Variants in PLXNA4 observed in about 807,000 individuals in gnomAD.
PLXNA4 encodes the protein plexin A4, also known as plexin-A4.
Under a neutral mutation model 191.8 loss-of-function variants are expected in PLXNA4, and 44 were observed. The ratio of observed to expected loss-of-function variants is 0.23; its 90% CI spans 0.18 to 0.29. The LOEUF is 0.29. PLXNA4 is among the 10% of genes least tolerant of loss of function. PLXNA4 has a pLI of 1.00. For missense variants in PLXNA4, 1,800 were observed against 2,488.8 expected (o/e 0.72, Z 5.89); for synonymous variants, 1,082 against 1,009.5 (o/e 1.07, Z -1.36).
intron 1 of PLXNA4, among the ~76,000 whole-genome samples, chr7:132,563,735 T>C (rs1801517878): frequency 8.6e-6 from 1 of 115,982 alleles, no homozygotes; most frequent in Non-Finnish European, 1.8e-5. Flanking sequence ...TTCCTCTTCC[T>C]CCTCCTCTCC....
intron 2 of PLXNA4, among the ~76,000 whole-genome samples, chr7:132,491,553 G>A (rs1797801550): frequency 6.6e-6 from 1 of 152,086 alleles, no homozygotes; most frequent in Admixed American, 6.5e-5. Context: ...ATCCACTCCA[G>A]GCCTTTGATA....
intron 1 of PLXNA4, among the ~76,000 whole-genome samples, chr7:132,537,768 AAG>A (rs1418709206): frequency 3.3e-5 from 5 of 152,236 alleles, no homozygotes; most frequent in African/African-American, 1.2e-4. Context: ...AGCCTCTGGT[AAG>A]AATGGGAGCT....
chr7:132,318,089 C>G (rs144256120), intron 3 of PLXNA4, among the ~76,000 whole-genome samples: 9 of 152,156 alleles, frequency 5.9e-5, no homozygotes, highest in East Asian at 3.9e-4. Context: ...GGTCATGAAC[C>G]GAGACAAGGC....
At chr7:132,462,991 A>G (rs1796571997) in intron 3 of PLXNA4, among the ~76,000 whole-genome samples, 1 of 151,904 alleles carries the variant, frequency 6.6e-6, no homozygotes, top group African/African-American at 2.4e-5. Context: ...CTGAGATTAC[A>G]GGCACACAAC....
At chr7:132,638,929 T>G (rs1383367119) in intron 2 of PLXNA4, among the ~76,000 whole-genome samples, 1 of 151,984 alleles carries the variant, frequency 6.6e-6, no homozygotes, top group South Asian at 2.1e-4. Flanking sequence ...TCACAGGACA[T>G]CTTATCTTTT....
intron 3 of PLXNA4, among the ~76,000 whole-genome samples, chr7:132,457,496 T>G (rs1197332082): frequency 6.6e-6 from 1 of 152,200 alleles, no homozygotes; most frequent in Non-Finnish European, 1.5e-5. Context: ...TTATGATGTT[T>G]CATGAAGGTA....
chr7:132,451,400 A>G (rs1053545175), intron 3 of PLXNA4, among the ~76,000 whole-genome samples: 1 of 152,184 alleles, frequency 6.6e-6, no homozygotes, highest in Non-Finnish European at 1.5e-5. Flanking sequence ...TATCCCCTTC[A>G]CCACCAAGAG....
At chr7:132,268,287 T>C (rs938177172) in intron 4 of PLXNA4, among the ~76,000 whole-genome samples, 8 of 152,176 alleles carry the variant, frequency 5.3e-5, no homozygotes, top group Admixed American at 2.6e-4. Context: ...GGTAAAACTA[T>C]TTTATGCTTG....
intron 3 of PLXNA4, among the ~76,000 whole-genome samples, chr7:132,299,830 G>A (rs1461270650): frequency 6.6e-6 from 1 of 152,140 alleles, no homozygotes. Flanking sequence ...GCCAATCAAC[G>A]TGAATCAGAG....
Position 132,194,076 on chromosome 7 carries a change from G to A in PLXNA4, c.2842C>T (p.Leu948Phe), listed in dbSNP as rs1584824595. 1 of 1,613,878 alleles carries A rather than the reference G, an allele frequency of 6.2e-7. No individual in the cohort carries two copies. The highest frequency in any genetic ancestry group is 1.1e-5 in the South Asian group (1 of 91,026). ...RPEFMARSSQ[L>F]YYFMTLTLSD... ...CCAAGACTCACCATGAAGTAATAGA[G>A]CTGTGAGGACCGGGCCATGAATTCA... The change falls in exon 14 of 32, where the codon CTC becomes TTC. Residue 948 changes from leucine (L) to phenylalanine (F), a missense_variant. By Grantham distance (22) the Leu-to-Phe change is conservative. Around this residue, in one of 6 missense-constraint regions of PLXNA4, gnomAD observed 1,397 missense variants for 1,880.4 expected, o/e 0.74. Transcript: ENST00000321063.
intron 3 of PLXNA4, among the ~76,000 whole-genome samples, chr7:132,410,536 T>C (rs923403449): frequency 6.6e-6 from 1 of 152,168 alleles, no homozygotes; most frequent in Non-Finnish European, 1.5e-5. Context: ...CTGACAGGAT[T>C]ACGTCATGTG....
At chr7:132,260,807 C>T (rs1799613942) in intron 4 of PLXNA4, among the ~76,000 whole-genome samples, 1 of 151,968 alleles carries the variant, frequency 6.6e-6, no homozygotes, top group South Asian at 2.1e-4. Flanking sequence ...ATGGTGGATA[C>T]CTGTCATTAC....
intron 2 of PLXNA4, among the ~76,000 whole-genome samples, chr7:132,616,641 A>T (rs1803161324): frequency 6.6e-6 from 1 of 152,264 alleles, no homozygotes; most frequent in South Asian, 2.1e-4. Context: ...ATTATAGTAG[A>T]TGTAACAGAC....
intron 22 of PLXNA4, among the ~76,000 whole-genome samples, chr7:132,167,887 G>A (rs1218416008): frequency 6.6e-6 from 1 of 152,102 alleles, no homozygotes; most frequent in East Asian, 1.9e-4. Flanking sequence ...GTGTGCTCCC[G>A]ATGCTGTCCT....
At chr7:132,504,922 C>T (rs531887940) in intron 2 of PLXNA4, among the ~76,000 whole-genome samples, 321 of 152,276 alleles carry the variant, frequency 2.1e-3, no homozygotes, top group Middle Eastern at 3.4e-3. Context: ...CGATGTCGCA[C>T]GAAACACGTG....
intron 3 of PLXNA4, among the ~76,000 whole-genome samples, chr7:132,316,201 A>C (rs964505219): frequency 5.3e-5 from 8 of 152,226 alleles, no homozygotes; most frequent in African/African-American, 1.9e-4. Flanking sequence ...CTCTATCACC[A>C]TAAGCCTCCC....
intron 30 of PLXNA4, among the ~76,000 whole-genome samples, chr7:132,135,735 G>A (rs1748647247): frequency 6.6e-6 from 1 of 152,186 alleles, no homozygotes; most frequent in African/African-American, 2.4e-5. Flanking sequence ...GGGTAGGACA[G>A]GGCTGGGGCC....
In PLXNA4 at chr7:132,556,317, CA is replaced by C. The variant is rs372183312; in HGVS notation, c.-87+20104del. ...GGGTTGAGGTGACCCGCTATATCAG[CA>C]AACCTTGATACCCTTCCCCGGCACA... On this transcript the variant is annotated intron_variant, in intron 1 of 31. Coordinates refer to ENST00000321063, the MANE Select transcript of PLXNA4 (RefSeq NM_020911.2). 1.0e-3 allele frequency among the ~76,000 whole-genome samples: 157 copies of C among 152,334 alleles called. 4 individuals are homozygous for C. Among genetic ancestry groups the C allele is most frequent in the Middle Eastern group, 6.8e-3 (2 of 294 alleles).
At chr7:132,410,997 C>T (rs1312031362) in intron 3 of PLXNA4, among the ~76,000 whole-genome samples, 1 of 152,154 alleles carries the variant, frequency 6.6e-6, no homozygotes, top group Non-Finnish European at 1.5e-5. Flanking sequence ...GCCATCATCC[C>T]GATTACGTTT....
Sources: gnomAD v4.1 joint callset for allele counts (sites outside exome capture counted in the v4.1 genomes callset) on GRCh38, gnomAD v4.1.1 for gene constraint, gnomAD v4.1.1 regional missense constraint, MANE v1.5 for transcripts, NCBI Gene and HGNC (gene_info 2026-07-23, HGNC 2026-07-21) for gene names.